SLC44A5: variants seen among roughly 807,000 people sequenced by gnomAD.
SLC44A5 encodes the protein solute carrier family 44 member 5.
A neutral mutation model predicts 101.8 loss-of-function variants in SLC44A5; 57 were observed. The ratio of observed to expected loss-of-function variants is 0.56; its 90% CI spans 0.45 to 0.70. The LOEUF is 0.70. Among genes scored for constraint, SLC44A5 ranks in the 30% least tolerant of loss-of-function variants. SLC44A5 has a pLI of 0.00. For synonymous variants in SLC44A5, 281 were observed against 290.9 expected (o/e 0.97, Z 0.35); for missense variants, 737 against 853.1 (o/e 0.86, Z 1.70).
chr1:75,676,515 G>A, the SLC44A5 span, among the ~76,000 whole-genome samples: 1 of 152,150 alleles, frequency 6.6e-6, no homozygotes, highest in South Asian at 2.1e-4. Flanking sequence ...AACATAGGGT[G>A]GAGAATAACA....
chr1:75,266,023 T>C (rs940892891), intron 6 of SLC44A5, among the ~76,000 whole-genome samples: 15 of 152,176 alleles, frequency 9.9e-5, no homozygotes, highest in African/African-American at 3.6e-4. Context: ...CCGTTTTCCT[T>C]TGAAGTCGCT....
At chr1:75,444,944 G>A (rs72986746) in intron 2 of SLC44A5, among the ~76,000 whole-genome samples, 3,594 of 152,214 alleles carry the variant, frequency 0.024, 135 homozygotes, top group African/African-American at 0.084. Flanking sequence ...AGATTGAGGA[G>A]AAAGAAGAAG....
intron 3 of SLC44A5, among the ~76,000 whole-genome samples, chr1:75,364,793 T>C (rs1256897697): frequency 2.6e-5 from 4 of 152,202 alleles, no homozygotes; most frequent in Non-Finnish European, 4.4e-5. Flanking sequence ...CTCTTTTTGT[T>C]CCTTTGACTG....
chr1:75,277,399 G>A (rs554006658), intron 5 of SLC44A5, among the ~76,000 whole-genome samples: 3 of 152,244 alleles, frequency 2.0e-5, no homozygotes, highest in African/African-American at 4.8e-5. Context: ...CTGCAGCTCA[G>A]AGTTTAATTT....
intron 3 of SLC44A5, among the ~76,000 whole-genome samples, chr1:75,343,274 C>T (rs937931052): frequency 1.3e-5 from 2 of 152,148 alleles, no homozygotes; most frequent in East Asian, 1.9e-4. Context: ...TTATAAAAGA[C>T]AGCTACACAT....
chr1:75,561,115 G>C (rs1033087479), intron 1 of SLC44A5, among the ~76,000 whole-genome samples: 3 of 152,036 alleles, frequency 2.0e-5, no homozygotes, highest in Non-Finnish European at 4.4e-5. Context: ...CTATTTTCAT[G>C]GATCACTTTT....
intron 1 of SLC44A5, among the ~76,000 whole-genome samples, chr1:75,553,202 A>G (rs996153182): frequency 6.6e-6 from 1 of 152,176 alleles, no homozygotes; most frequent in Non-Finnish European, 1.5e-5. Context: ...TCTCAGTTCA[A>G]TTAGTTCAGT....
the SLC44A5 span, among the ~76,000 whole-genome samples, chr1:75,700,799 ATG>A: frequency 6.6e-6 from 1 of 152,204 alleles, no homozygotes; most frequent in Non-Finnish European, 1.5e-5. Context: ...AATCAAATAC[ATG>A]CAATAAAAAA....
intron 2 of SLC44A5, among the ~76,000 whole-genome samples, chr1:75,452,252 T>C (rs1665948242): frequency 6.6e-6 from 1 of 152,180 alleles, no homozygotes; most frequent in Non-Finnish European, 1.5e-5. Context: ...TTTTCAGTGT[T>C]CTTAAAGATG....
At chr1:75,683,527 A>G in the SLC44A5 span, among the ~76,000 whole-genome samples, 1 of 151,946 alleles carries the variant, frequency 6.6e-6, no homozygotes, top group Non-Finnish European at 1.5e-5. Context: ...AACACCGCAT[A>G]TTCTCACTCA....
intron 9 of SLC44A5, among the ~76,000 whole-genome samples, chr1:75,241,764 C>A (rs1333815753): frequency 6.6e-6 from 1 of 151,990 alleles, no homozygotes; most frequent in Non-Finnish European, 1.5e-5. Context: ...AACATTCAAT[C>A]TTTTTCTTGT....
In SLC44A5 at chr1:75,335,175, A is replaced by T. The variant is rs569923402; in HGVS notation, c.101+4407T>A. On this transcript the variant is annotated intron_variant, in intron 4 of 23. Coordinates refer to ENST00000370859, the MANE Select transcript of SLC44A5 (RefSeq NM_001130058.2). ...AACAATCTCACTCTGCGTTCTCTAA[A>T]TGCTTGAATAAACTCTCTGCTGAGC... 1.4e-4 allele frequency among the ~76,000 whole-genome samples: 21 copies of T among 152,284 alleles called. 1 individual carries two copies. In the East Asian group the frequency reaches 4.0e-3, roughly 29 times the overall value.
chr1:75,322,896 T>A (rs1445678213), intron 4 of SLC44A5, among the ~76,000 whole-genome samples: 1 of 152,220 alleles, frequency 6.6e-6, no homozygotes, highest in Non-Finnish European at 1.5e-5. Flanking sequence ...GCACTCTGTT[T>A]CTCATCCGAA....
the SLC44A5 span, among the ~76,000 whole-genome samples, chr1:75,659,422 A>AGGGT: frequency 5.3e-3 from 182 of 34,038 alleles, 4 homozygotes; most frequent in East Asian, 0.079. Context: ...AGAAAGAGGG[A>AGGGT]GGGTGGGAGG....
intron 6 of SLC44A5, among the ~76,000 whole-genome samples, chr1:75,273,092 T>A (rs1185584449): frequency 6.6e-6 from 1 of 152,170 alleles, no homozygotes; most frequent in African/African-American, 2.4e-5. Flanking sequence ...TAGAGATCTT[T>A]CACCTTGTTG....
chr1:75,647,308 C>T, the SLC44A5 span, among the ~76,000 whole-genome samples: 1 of 152,216 alleles, frequency 6.6e-6, no homozygotes, highest in East Asian at 1.9e-4. Flanking sequence ...GAACCTCCAC[C>T]TAAATTTCAG....
At chr1:75,697,209 G>A in the SLC44A5 span, among the ~76,000 whole-genome samples, 1 of 152,110 alleles carries the variant, frequency 6.6e-6, no homozygotes, top group Admixed American at 6.5e-5. Flanking sequence ...GGAGTTCAAG[G>A]CCAGCCTAGT....
chr1:75,612,654 T>C (rs1164615756), upstream of SLC44A5, among the ~76,000 whole-genome samples: 1 of 152,238 alleles, frequency 6.6e-6, no homozygotes, highest in Non-Finnish European at 1.5e-5. Flanking sequence ...TCATTGTCTA[T>C]CATGTTCATT....
At chr1:75,653,407 G>A in the SLC44A5 span, among the ~76,000 whole-genome samples, 1 of 152,176 alleles carries the variant, frequency 6.6e-6, no homozygotes, top group Middle Eastern at 3.4e-3. Context: ...ACTTGAATCC[G>A]GGAGGCAGAG....
Sources: allele counts gnomAD v4.1 joint callset (sites outside exome capture counted in the v4.1 genomes callset), GRCh38; gene constraint gnomAD v4.1.1; transcripts MANE v1.5; gene names NCBI Gene and HGNC (gene_info 2026-07-23, HGNC 2026-07-21).